Variants in TLK2 observed in about 807,000 individuals in gnomAD.
TLK2 encodes the protein serine/threonine-protein kinase tousled-like 2.
In TLK2, 6 loss-of-function variants were observed where a neutral mutation model predicts 117.3. That is an observed-to-expected ratio of 0.05 (90% CI 0.03 to 0.10). TLK2 has a LOEUF of 0.10. Ranked by LOEUF, TLK2 falls within the 10% of genes least tolerant of loss-of-function variation. TLK2 has a pLI of 1.00. For synonymous variants in TLK2, 257 were observed against 316.7 expected (o/e 0.81, Z 2.00); for missense variants, 299 against 901.2 (o/e 0.33, Z 8.56).
chr17:62,504,030 G>A (rs1316000325), intron 2 of TLK2, among the ~76,000 whole-genome samples: 2 of 152,262 alleles, frequency 1.3e-5, no homozygotes, highest in Non-Finnish European at 2.9e-5. Context: ...CACCACGCTC[G>A]GCCAGTTATA....
At chr17:62,591,956 CTT>C (rs1015103461) in intron 16 of TLK2, among the ~76,000 whole-genome samples, 1 of 145,644 alleles carries the variant, frequency 6.9e-6, no homozygotes. Flanking sequence ...ATTCTTTCTT[CTT>C]TTTTTTTTTT....
chr17:62,560,420 A>G (rs940241919), intron 10 of TLK2: 9 of 167,804 alleles, frequency 5.4e-5, no homozygotes, highest in South Asian at 3.9e-4. Flanking sequence ...TATTCATTCT[A>G]TCAATTGAAG....
At chr17:62,605,002 T>C (rs547250801) in intron 19 of TLK2, among the ~76,000 whole-genome samples, 3 of 152,086 alleles carry the variant, frequency 2.0e-5, no homozygotes, top group African/African-American at 7.2e-5. Context: ...GTTATACTTA[T>C]CCAAGATCAT....
chr17:62,471,754 G>C (rs1352659202), intron 1 of TLK2, among the ~76,000 whole-genome samples: 3 of 152,102 alleles, frequency 2.0e-5, no homozygotes, highest in Admixed American at 6.6e-5. Flanking sequence ...AACCCCAGAA[G>C]AGTAGCAAAT....
intron 6 of TLK2, among the ~76,000 whole-genome samples, 185 bp downstream of exon 6, chr17:62,524,516 C>G (rs1201234512): frequency 6.6e-6 from 1 of 152,208 alleles, no homozygotes; most frequent in African/African-American, 2.4e-5. Flanking sequence ...TAGCTTTTTA[C>G]AGAAGAGCCA....
At position 62,522,283 on chromosome 17, in the gene TLK2, A is replaced by T. The variant is rs754468298; in HGVS notation, c.223+10A>T. On this transcript the variant is annotated intron_variant, in intron 4 of 21. Transcript: ENST00000346027. ...TATGAAACTAGCCAAGGTAGTAATA[A>T]TTTCGTATCAACAAAAGTACTCAAT... The T allele has an allele frequency of 1.2e-5, 20 of 1,608,934 alleles. No individual in the cohort carries two copies. The African/African-American group carries it at 2.7e-4, about 22-fold the overall frequency.
upstream of TLK2, among the ~76,000 whole-genome samples, chr17:62,475,637 G>A (rs746272850): frequency 1.4e-5 from 2 of 145,488 alleles, no homozygotes; most frequent in East Asian, 2.1e-4. Flanking sequence ...GAGCCACCGC[G>A]CCAGGCCCAA....
intron 7 of TLK2, among the ~76,000 whole-genome samples, chr17:62,545,633 G>A (rs1156476553): frequency 2.6e-5 from 4 of 151,998 alleles, no homozygotes; most frequent in African/African-American, 9.7e-5. Context: ...AAGAGAAAAA[G>A]TATCATGTTT....
At position 62,532,240 on chromosome 17, in the gene TLK2, A is replaced by C. The variant is rs570267431; in HGVS notation, c.364-3930A>C. ...ATCTGTATAGTTTTTTTCCCCCCCC[A>C]GGGAGACGTTGGTTCAAACAGGAAA... On this transcript the variant is annotated intron_variant, in intron 6 of 21. Coordinates refer to ENST00000346027, the MANE Select transcript of TLK2 (RefSeq NM_006852.6). 5.3e-5 allele frequency among the ~76,000 whole-genome samples: 8 copies of C among 151,906 alleles called. No homozygotes were observed. In the East Asian group the frequency reaches 9.7e-4, roughly 18 times the overall value.
intron 5 of TLK2, 29 bp downstream of exon 5, chr17:62,523,206 A>G: frequency 6.3e-7 from 1 of 1,583,994 alleles, no homozygotes; most frequent in Non-Finnish European, 8.5e-7. Context: ...AAAAACAAAC[A>G]AACAAAACAA....
rs141059852 is a variant in TLK2, at chr17:62,543,044, AAGAC to A, written c.531+6710_531+6713del. 5.7e-3 allele frequency among the ~76,000 whole-genome samples: 869 copies of A among 152,340 alleles called. 8 individuals are homozygous for A. Among genetic ancestry groups the A allele is most frequent in the African/African-American group, 0.02 (829 of 41,580 alleles). ...CTCTACACTGACATACATTTCTAGA[AAGAC>A]AGGCTAAATGCTTAGTTCTTTCCTT... On this transcript the variant is annotated intron_variant, in intron 7 of 21. Transcript: ENST00000346027.
intron 7 of TLK2, among the ~76,000 whole-genome samples, chr17:62,540,546 G>A (rs1233606608): frequency 3.3e-5 from 5 of 150,080 alleles, no homozygotes; most frequent in Non-Finnish European, 5.9e-5. Context: ...TTACAGGCGC[G>A]TACCACCATA....
upstream of TLK2, among the ~76,000 whole-genome samples, chr17:62,474,698 C>T (rs1453097557): frequency 8.6e-5 from 13 of 151,968 alleles, no homozygotes; most frequent in African/African-American, 2.2e-4. Flanking sequence ...GTTGAGCCAC[C>T]GCGCCCGGCC....
chr17:62,554,331 T>A (rs562409472), intron 9 of TLK2, among the ~76,000 whole-genome samples: 1 of 152,238 alleles, frequency 6.6e-6, no homozygotes, highest in African/African-American at 2.4e-5. Flanking sequence ...TCCCAGCACT[T>A]TGGGAGGCCA....
intron 9 of TLK2, among the ~76,000 whole-genome samples, chr17:62,554,876 C>CAA (rs35726174): frequency 7.6e-6 from 1 of 131,934 alleles, no homozygotes; most frequent in African/African-American, 3.1e-5. Context: ...GACCCTGCCT[C>CAA]AAAAAAAAAA....
At position 62,479,268 on chromosome 17, in the gene TLK2, A is replaced by AGCGGCG. The variant is rs768508482; in HGVS notation, c.-13_-8dup. On this transcript the variant is annotated 5_prime_UTR_variant, in exon 1 of 22. Coordinates refer to ENST00000346027, the MANE Select transcript of TLK2 (RefSeq NM_006852.6). ...GGGGCCCCTCCCGGGAGGAGCGTGG[A>AGCGGCG]GCGGCGGCGGCGGCGGCGGCAGGTG... The AGCGGCG allele has an allele frequency of 1.1e-4, 19 of 166,458 alleles. No individual in the cohort carries two copies. Among genetic ancestry groups the AGCGGCG allele is most frequent in the African/African-American group, 2.9e-4 (12 of 41,160 alleles). The allele number at this position is 166,458 out of a possible 1,614,324, so 10.3% of individuals were successfully genotyped here.
chr17:62,554,260 A>C (rs2078683945), intron 9 of TLK2, among the ~76,000 whole-genome samples: 1 of 152,336 alleles, frequency 6.6e-6, no homozygotes, highest in East Asian at 1.9e-4. Flanking sequence ...GCAATTTGGC[A>C]TGACTGACTC....
intron 13 of TLK2, among the ~76,000 whole-genome samples, 153 bp downstream of exon 13, chr17:62,576,928 A>G (rs2080833020): frequency 6.6e-6 from 1 of 151,348 alleles, no homozygotes; most frequent in Non-Finnish European, 1.5e-5. Context: ...CTTGTAGCCT[A>G]ATGGTAGAAC....
chr17:62,481,726 C>T (rs2071673830), intron 2 of TLK2, among the ~76,000 whole-genome samples: 1 of 151,918 alleles, frequency 6.6e-6, no homozygotes, highest in Non-Finnish European at 1.5e-5. Flanking sequence ...TAGATTAGGC[C>T]CCCATTAACG....
Sources: gnomAD v4.1 joint callset for allele counts (sites outside exome capture counted in the v4.1 genomes callset) on GRCh38, gnomAD v4.1.1 for gene constraint, MANE v1.5 for transcripts, NCBI Gene and HGNC (gene_info 2026-07-23, HGNC 2026-07-21) for gene names.